The following TRPV5 variants were observed in gnomAD, a reference collection of about 807,000 sequenced individuals.
TRPV5 encodes the protein transient receptor potential cation channel subfamily V member 5.
A neutral mutation model predicts 74.1 loss-of-function variants in TRPV5; 66 were observed. That is an observed-to-expected ratio of 0.89 (90% CI 0.73 to 1.09). TRPV5 has a LOEUF of 1.09. Ranked by LOEUF, TRPV5 falls within the 50% of genes least tolerant of loss-of-function variation. The pLI is 0.00. For missense variants in TRPV5, 936 were observed against 930.4 expected (o/e 1.01, Z -0.08); for synonymous variants, 399 against 360.7 (o/e 1.11, Z -1.20).
At position 142,908,764 on chromosome 7, in the gene TRPV5, T is replaced by A. The variant is rs1277548191; in HGVS notation, c.1940A>T (p.Tyr647Phe). Residue 647 changes from tyrosine (Y) to phenylalanine (F), a missense_variant, in exon 15 of 15, where the codon TAT (tyrosine) becomes TTT (phenylalanine). By Grantham distance (22) the Tyr-to-Phe change is conservative. Transcript: ENST00000265310. ...NDQNPLRVLR[Y>F]VEVFKNSDKE... is the part of the protein sequence containing the mutation. ...GTCTGAGTTCTTGAACACTTCCACA[T>A]AGCGAAGCACTCGCAGAGGATTCTG... 5 of 1,613,694 alleles carry A rather than the reference T, an allele frequency of 3.1e-6. No homozygotes were observed. Among genetic ancestry groups the A allele is most frequent in the East Asian group, 2.2e-5 (1 of 44,882 alleles).
In TRPV5 at chr7:142,915,006, G is replaced by A. The variant is rs775179978; in HGVS notation, c.1327C>T (p.Arg443Trp). 6.8e-6 allele frequency: 11 copies of A among 1,613,980 alleles called. No individual in the cohort carries two copies. The highest frequency in any genetic ancestry group is 2.2e-5 in the East Asian group (1 of 44,876). The change falls in exon 11 of 15, where the codon CGG (arginine) becomes TGG (tryptophan). Residue 443 changes from arginine to tryptophan, a missense_variant. Arg to Trp is a moderately radical substitution (Grantham distance 101). Coordinates refer to ENST00000265310, the MANE Select transcript of TRPV5 (RefSeq NM_019841.7). The part of the protein sequence containing the change: ...ASLVLVTMVM[R>W]LTNTNGEVVP... The stretch of plus-strand genomic sequence containing the variant: ...ACCTCCCCATTGGTGTTGGTGAGCC[G>A]CATCACCATGGTCACCAGCACCAGG...
At position 142,933,316 on chromosome 7, in the gene TRPV5, G is replaced by A. The variant is rs187059711; in HGVS notation, c.128+16C>T. On this transcript the variant is annotated intron_variant, in intron 1 of 14. Coordinates refer to ENST00000265310, the MANE Select transcript of TRPV5 (RefSeq NM_019841.7). ...GATCACGGCGGTAGGGCCACGGATC[G>A]TTCTAGGAAGCCTACCTCTTCTGCT... 2.0e-5 allele frequency: 33 copies of A among 1,612,310 alleles called. No homozygotes were observed. In the East Asian group the frequency reaches 2.2e-4, roughly 11 times the overall value.
At chr7:142,929,948 G>C (rs1796056110) in intron 3 of TRPV5, 110 bp downstream of exon 3, 1 of 1,534,984 alleles carries the variant, frequency 6.5e-7, no homozygotes, top group Non-Finnish European at 8.9e-7. Flanking sequence ...CCATCCTCCT[G>C]ACCCTCCATC....
In TRPV5 at chr7:142,924,341, T is replaced by TACATGTATATATATAC. The variant is rs1445384335; in HGVS notation, c.1122+1187_1122+1188insGTATATATATACATGT. Among the ~76,000 whole-genome samples the TACATGTATATATATAC allele has an allele frequency of 1.5e-3, 19 of 12,798 alleles. 2 individuals are homozygous for TACATGTATATATATAC. The highest frequency in any genetic ancestry group is 3.2e-3 in the African/African-American group (19 of 5,996). The allele number at this position is 12,798 out of a possible 152,430, so 8.4% of individuals were successfully genotyped here. ...ACATATACATGTATATATATACATA[T>TACATGTATATATATAC]ATATATATATAGACATATACATGTA... is the stretch of plus-strand genomic sequence containing the variant. On this transcript the variant is annotated intron_variant, in intron 8 of 14. Coordinates refer to ENST00000265310, the MANE Select transcript of TRPV5 (RefSeq NM_019841.7).
intron 13 of TRPV5, 59 bp downstream of exon 13, chr7:142,912,423 C>T (rs1795714019): frequency 1.2e-5 from 19 of 1,563,954 alleles, no homozygotes; most frequent in Non-Finnish European, 1.5e-5. Context: ...TAACATTTTC[C>T]ACTTTGATTT....
chr7:142,928,940 T>G, intron 5 of TRPV5, 74 bp from the exon 6 acceptor site: 1 of 1,611,770 alleles, frequency 6.2e-7, no homozygotes, highest in African/African-American at 1.3e-5. Flanking sequence ...TCTGGGGTCT[T>G]CCTAAAGGTC....
intron 8 of TRPV5, among the ~76,000 whole-genome samples, chr7:142,919,687 G>A (rs111411246): frequency 4.5e-4 from 69 of 152,242 alleles, no homozygotes; most frequent in Non-Finnish European, 6.8e-4. Context: ...GCATTTATAC[G>A]TCACTGAGAA....
chr7:142,915,586 G>C lies in TRPV5; in HGVS notation c.1123-18C>G. The stretch of plus-strand genomic sequence containing the variant: ...TAGGCCTCCTATGTGGGGAAATTCA[G>C]AAGAAGTGCTTTCTGATGGGCAGAG... On this transcript the variant is annotated intron_variant, in intron 8 of 14. Transcript: ENST00000265310. 1 of 1,612,628 alleles carries C rather than the reference G, an allele frequency of 6.2e-7. No individual in the cohort carries two copies. The highest frequency in any genetic ancestry group is 8.5e-7 in the Non-Finnish European group (1 of 1,178,868).
In TRPV5 at chr7:142,908,454, C is replaced by T. The variant is rs1224484300; in HGVS notation, c.*60G>A. 22 of 1,574,612 alleles carry T rather than the reference C, an allele frequency of 1.4e-5. No homozygotes were observed. Among genetic ancestry groups the T allele is most frequent in the Non-Finnish European group, 1.7e-5 (20 of 1,151,152 alleles). ...AGACACTTGCATAGGCAGAGGTCTCCGTCTCTGTCCCCGCCCCCAGGCCAA... is the reference window on the plus strand; with the variant it reads ...AGACACTTGCATAGGCAGAGGTCTCTGTCTCTGTCCCCGCCCCCAGGCCAA... On this transcript the variant is annotated 3_prime_UTR_variant, in exon 15 of 15. Transcript: ENST00000265310.
At chr7:142,915,751 A>G (rs1019267031) in intron 8 of TRPV5, among the ~76,000 whole-genome samples, 183 bp from the exon 9 acceptor site, 2 of 152,222 alleles carry the variant, frequency 1.3e-5, no homozygotes, top group African/African-American at 4.8e-5. Flanking sequence ...GAGTCTATGT[A>G]TCCAAGGTTT....
intron 1 of TRPV5, among the ~76,000 whole-genome samples, chr7:142,931,698 A>G (rs4252387): frequency 0.76 from 116,192 of 152,110 alleles, 48,364 homozygotes; most frequent in East Asian, 0.96. Context: ...AAGTGTTTTT[A>G]TTTTATTTAT....
Position 142,908,818 on chromosome 7 carries a change from G to C in TRPV5, c.1896-10C>G. The C allele has an allele frequency of 6.2e-7, 1 of 1,603,430 alleles. No homozygotes were observed. The highest frequency in any genetic ancestry group is 8.5e-7 in the Non-Finnish European group (1 of 1,174,486). ...ATTGTGGTTCTCAACCCTGATAAGGGGAAAGGGGAAAGGACTCAATCCAGG... is the reference window on the plus strand; with the variant it reads ...ATTGTGGTTCTCAACCCTGATAAGGCGAAAGGGGAAAGGACTCAATCCAGG... On this transcript the variant is annotated splice_polypyrimidine_tract_variant and intron_variant, in intron 14 of 14. Transcript: ENST00000265310.
intron 6 of TRPV5, 90 bp from the exon 7 acceptor site, chr7:142,928,324 C>A: frequency 7.3e-7 from 1 of 1,367,808 alleles, no homozygotes; most frequent in Non-Finnish European, 1.0e-6. Flanking sequence ...GTTGCCCACC[C>A]CTTGAGACAG....
intron 8 of TRPV5, among the ~76,000 whole-genome samples, chr7:142,924,168 C>G (rs937807855): frequency 6.7e-6 from 1 of 149,596 alleles, no homozygotes; most frequent in Non-Finnish European, 1.5e-5. Flanking sequence ...CCTCCCCAGG[C>G]AGCAAGACCT....
chr7:142,915,458 G>A (rs778655032), intron 9 of TRPV5, 24 bp downstream of exon 9: 1 of 1,613,370 alleles, frequency 6.2e-7, no homozygotes, highest in African/African-American at 1.3e-5. Flanking sequence ...GATGGGATTA[G>A]CCTGGACCCC....
At chr7:142,924,354 AC>A (rs1795944236) in intron 8 of TRPV5, among the ~76,000 whole-genome samples, 1 of 2,622 alleles carries the variant, frequency 3.8e-4, no homozygotes, top group Non-Finnish European at 9.0e-4. Flanking sequence ...ATATATATAG[AC>A]ATATACATGT....
intron 1 of TRPV5, among the ~76,000 whole-genome samples, chr7:142,932,568 C>G (rs1054089434): frequency 1.3e-5 from 2 of 152,160 alleles, no homozygotes; most frequent in Non-Finnish European, 2.9e-5. Context: ...CAACCTCACC[C>G]CTCAGGCAGC....
In TRPV5 at chr7:142,924,303, TATATATATACACACATATAC is replaced by T. The variant is rs1795939019; in HGVS notation, c.1122+1206_1122+1225del. Among the ~76,000 whole-genome samples, 15 of 32,556 alleles carry T rather than the reference TATATATATACACACATATAC, an allele frequency of 4.6e-4. 1 individual carries two copies. The highest frequency in any genetic ancestry group is 5.5e-4 in the Non-Finnish European group (7 of 12,720). The allele number at this position is 32,556 out of a possible 152,430, so 21.4% of individuals were successfully genotyped here. A position where few individuals can be genotyped will look rare whatever the true frequency, so the allele number is the denominator to read the frequency against. ...ATACATATACATGTATATATATACA[TATATATATACACACATATAC>T]ATGTATATATATACATATATATATA... On this transcript the variant is annotated intron_variant, in intron 8 of 14. Transcript: ENST00000265310.
Position 142,908,328 on chromosome 7 carries a change from T to A in TRPV5, c.*186A>T. On this transcript the variant is annotated 3_prime_UTR_variant, in exon 15 of 15. Transcript: ENST00000265310. ...CCCAGAAAATACGTGAGACAATCGATGACCATTGCCCATTGCCAGAAATTC... is the reference window on the plus strand; with the variant it reads ...CCCAGAAAATACGTGAGACAATCGAAGACCATTGCCCATTGCCAGAAATTC... 1 of 659,688 alleles carries A rather than the reference T, an allele frequency of 1.5e-6. No individual in the cohort carries two copies. The highest frequency in any genetic ancestry group is 2.6e-6 in the Non-Finnish European group (1 of 388,586). The allele number at this position is 659,688 out of a possible 1,614,324, so 40.9% of individuals were successfully genotyped here. A position where few individuals can be genotyped will look rare whatever the true frequency, so the allele number is the denominator to read the frequency against.
Sources: allele counts gnomAD v4.1 joint callset (sites outside exome capture counted in the v4.1 genomes callset), GRCh38; gene constraint gnomAD v4.1.1; transcripts MANE v1.5; gene names NCBI Gene and HGNC (gene_info 2026-07-23, HGNC 2026-07-21).